Variants in DISC1 observed in about 807,000 individuals in gnomAD.
DISC1 encodes the protein disrupted in schizophrenia 1 protein.
Under a neutral mutation model 84.5 loss-of-function variants are expected in DISC1, and 57 were observed. The ratio of observed to expected loss-of-function variants is 0.67; its 90% CI spans 0.55 to 0.84. The LOEUF (loss-of-function observed/expected upper bound fraction) is 0.84, where lower values mean the gene tolerates loss of function less well. DISC1 is among the 40% of genes least tolerant of loss of function. The pLI is 0.00. For missense variants in DISC1, 1,000 were observed against 1,057.8 expected, an observed-to-expected ratio of 0.95 and a Z score of 0.76; for synonymous variants, 411 against 415.2, an observed-to-expected ratio of 0.99 and a Z score of 0.12.
intron 8 of DISC1, among the ~76,000 whole-genome samples, chr1:231,808,313 T>G (rs2079926499): frequency 6.6e-6 from 1 of 152,206 alleles, no homozygotes; most frequent in Admixed American, 6.5e-5. Flanking sequence ...TGCTGGCAGA[T>G]GGACTCTTGA....
chr1:232,007,424 A>G (rs867694989), intron 10 of DISC1, among the ~76,000 whole-genome samples: 1 of 152,180 alleles, frequency 6.6e-6, no homozygotes, highest in Non-Finnish European at 1.5e-5. Context: ...CATCAGCATG[A>G]CCTGGTTCTG....
chr1:231,858,820 C>T (rs1391614494), intron 9 of DISC1, among the ~76,000 whole-genome samples: 1 of 152,144 alleles, frequency 6.6e-6, no homozygotes, highest in South Asian at 2.1e-4. Context: ...CAGGTTTCTC[C>T]AAGTATCTGG....
intron 9 of DISC1, among the ~76,000 whole-genome samples, chr1:231,852,029 T>G (rs1162949942): frequency 6.6e-6 from 1 of 152,078 alleles, no homozygotes; most frequent in East Asian, 1.9e-4. Context: ...CTTCTACTGC[T>G]ACAGCAGGAA....
At chr1:231,874,309 C>T (rs1256388495) in intron 9 of DISC1, among the ~76,000 whole-genome samples, 1 of 151,954 alleles carries the variant, frequency 6.6e-6, no homozygotes, top group Admixed American at 6.5e-5. Flanking sequence ...AGGCGCACAC[C>T]ACCACGCCCA....
intron 10 of DISC1, among the ~76,000 whole-genome samples, chr1:231,983,623 G>C (rs1353023620): frequency 8.3e-6 from 1 of 119,844 alleles, no homozygotes; most frequent in African/African-American, 3.1e-5. Flanking sequence ...TGGGGGGTTG[G>C]GGGGAAGGGT....
At chr1:231,781,424 C>T (rs529049459) in intron 6 of DISC1, among the ~76,000 whole-genome samples, 5 of 152,138 alleles carry the variant, frequency 3.3e-5, no homozygotes, top group African/African-American at 9.6e-5. Context: ...TCATCCATTT[C>T]TCTTTTATAT....
intron 10 of DISC1, among the ~76,000 whole-genome samples, chr1:231,963,621 G>A (rs9651122): frequency 0.025 from 3,807 of 152,132 alleles, 154 homozygotes; most frequent in African/African-American, 0.087. Flanking sequence ...TGAGTAATGT[G>A]CTTGCAATGA....
At chr1:231,994,164 G>T (rs973308380) in intron 10 of DISC1, among the ~76,000 whole-genome samples, 9 of 152,214 alleles carry the variant, frequency 5.9e-5, no homozygotes, top group African/African-American at 2.2e-4. Flanking sequence ...TCTTGCCTGG[G>T]CATTTCTCTG....
chr1:231,818,559 A>G (rs2081257922), intron 9 of DISC1, 42 bp downstream of exon 9: 4 of 1,611,644 alleles, frequency 2.5e-6, no homozygotes, highest in Admixed American at 3.3e-5. Flanking sequence ...TATTGATGAT[A>G]TTTGTTGTGT....
intron 12 of DISC1, among the ~76,000 whole-genome samples, chr1:232,034,049 A>G (rs942735531): frequency 1.3e-5 from 2 of 152,136 alleles, no homozygotes; most frequent in African/African-American, 4.8e-5. Flanking sequence ...AGTACATCCA[A>G]AATGCTTTGT....
intron 2 of DISC1, among the ~76,000 whole-genome samples, chr1:231,699,049 T>A (rs1446835870): frequency 6.6e-6 from 1 of 152,196 alleles, no homozygotes; most frequent in African/African-American, 2.4e-5. Flanking sequence ...ATGCTTCATG[T>A]TCCACAGAGA....
At chr1:231,748,299 A>G (rs1318643156) in intron 3 of DISC1, among the ~76,000 whole-genome samples, 1 of 152,154 alleles carries the variant, frequency 6.6e-6, no homozygotes, top group Non-Finnish European at 1.5e-5. Context: ...ACAGTTGGGC[A>G]TCCTTGTGCT....
intron 9 of DISC1, among the ~76,000 whole-genome samples, chr1:231,903,816 G>A (rs1189137337): frequency 1.3e-5 from 2 of 152,232 alleles, no homozygotes; most frequent in Non-Finnish European, 2.9e-5. Flanking sequence ...GAGTATAATA[G>A]GAGGTTAGAA....
chr1:231,683,498 T>A (rs2125570429), intron 1 of DISC1, among the ~76,000 whole-genome samples: 1 of 148,380 alleles, frequency 6.7e-6, no homozygotes, highest in South Asian at 2.2e-4. Context: ...TGACTGTGGC[T>A]CACTGCCGCC....
chr1:232,004,794 T>C (rs1667130422), intron 10 of DISC1, among the ~76,000 whole-genome samples: 1 of 152,066 alleles, frequency 6.6e-6, no homozygotes, highest in Non-Finnish European at 1.5e-5. Context: ...ATTCCTGCAC[T>C]CCTGCTCCAG....
chr1:231,954,494 A>G lies in DISC1; in HGVS notation c.1982-4334A>G, dbSNP rs1659056307. Among the ~76,000 whole-genome samples the G allele has an allele frequency of 6.6e-6, 1 of 152,184 alleles. No individual in the cohort carries two copies. ...CCTGAATATCAGATTCCCTTAATAA[A>G]CAGAAACAGTGAATGTGTTCCTGCT... On this transcript the variant is annotated intron_variant, in intron 9 of 12. Coordinates refer to ENST00000439617, the MANE Select transcript of DISC1 (RefSeq NM_018662.3). This position sits in a 1 kb window ranked among gnomAD's most constrained non-coding sequence, Gnocchi z 4.8.
At chr1:231,839,811 C>T (rs1257007088) in intron 9 of DISC1, among the ~76,000 whole-genome samples, 3 of 152,090 alleles carry the variant, frequency 2.0e-5, no homozygotes, top group African/African-American at 4.8e-5. Context: ...AGCCAGCCAG[C>T]GTGTCACATG....
At chr1:231,626,968 T>TG (rs962814454) in intron 1 of DISC1, 34 bp downstream of exon 1, 69 of 1,433,292 alleles carry the variant, frequency 4.8e-5, no homozygotes, top group Middle Eastern at 3.6e-4. Flanking sequence ...TAGCACGTCC[T>TG]GGGGGGGTCC....
chr1:231,630,134 TTGA>T lies in DISC1; in HGVS notation c.67+3202_67+3204del, dbSNP rs1171317552. Among the ~76,000 whole-genome samples the T allele has an allele frequency of 3.9e-5, 6 of 152,092 alleles. No homozygotes were observed. The highest frequency in any genetic ancestry group is 8.8e-5 in the Non-Finnish European group (6 of 68,020). ...TTAATACAGACAGGGTTTCACCATG[TTGA>T]TCAGCATGGTCTCGATCTCCTGACC... On this transcript the variant is annotated intron_variant, in intron 1 of 12. Transcript: ENST00000439617. The surrounding 1 kb of genome is among the most constrained non-coding windows in gnomAD (Gnocchi z 4.4).
Sources: gnomAD v4.1 joint callset for allele counts (sites outside exome capture counted in the v4.1 genomes callset) on GRCh38, gnomAD v4.1.1 for gene constraint, Gnocchi (gnomAD v3.1) non-coding constraint, MANE v1.5 for transcripts, NCBI Gene and HGNC (gene_info 2026-07-23, HGNC 2026-07-21) for gene names.